Variants in PGM5 observed in about 807,000 individuals in gnomAD.
PGM5 encodes the protein phosphoglucomutase-like protein 5.
A neutral mutation model predicts 59.2 loss-of-function variants in PGM5; 23 were observed. The ratio of observed to expected loss-of-function variants is 0.39; its 90% CI spans 0.28 to 0.55. The LOEUF is 0.55. Among genes scored for constraint, PGM5 ranks in the 20% least tolerant of loss-of-function variants. PGM5 has a pLI of 0.66. For synonymous variants in PGM5, 214 were observed against 286.0 expected (o/e 0.75, Z 2.54); for missense variants, 574 against 748.3 (o/e 0.77, Z 2.72).
chr9:68,408,925 A>G (rs1822871423), intron 6 of PGM5, among the ~76,000 whole-genome samples: 1 of 151,862 alleles, frequency 6.6e-6, no homozygotes, highest in African/African-American at 2.4e-5. Context: ...GTTCTGTTCC[A>G]TTGATCTATA....
chr9:68,360,050 G>A (rs1381167472), intron 1 of PGM5, among the ~76,000 whole-genome samples: 2 of 151,920 alleles, frequency 1.3e-5, no homozygotes, highest in Non-Finnish European at 2.9e-5. Flanking sequence ...TCTCTGTGTT[G>A]CCCAGTCTAG....
chr9:68,453,091 G>A (rs1328834030), intron 6 of PGM5, among the ~76,000 whole-genome samples: 3 of 152,182 alleles, frequency 2.0e-5, no homozygotes, highest in Admixed American at 2.0e-4. Flanking sequence ...AAGGTGCTCT[G>A]TGTAAATGTG....
intron 2 of PGM5, among the ~76,000 whole-genome samples, chr9:68,382,343 T>A (rs1822099614): frequency 6.6e-6 from 1 of 151,678 alleles, no homozygotes; most frequent in African/African-American, 2.4e-5. Context: ...GACCCTTATC[T>A]TACACTATAC....
intron 10 of PGM5, among the ~76,000 whole-genome samples, chr9:68,512,210 G>A (rs186940133): frequency 6.6e-6 from 1 of 152,344 alleles, no homozygotes; most frequent in East Asian, 1.9e-4. Context: ...GTGATGAAAG[G>A]CAGGTTCATT....
intron 7 of PGM5, among the ~76,000 whole-genome samples, chr9:68,475,184 ATTTTTTT>A (rs782687667): frequency 3.4e-4 from 38 of 112,780 alleles, no homozygotes; most frequent in Admixed American, 1.4e-3. Context: ...TGCCTGGCTA[ATTTTTTT>A]TTTTTTTTTT....
At chr9:68,427,165 A>G (rs944959956) in intron 6 of PGM5, among the ~76,000 whole-genome samples, 2 of 152,186 alleles carry the variant, frequency 1.3e-5, no homozygotes, top group Admixed American at 1.3e-4. Flanking sequence ...GCAGTGGAAG[A>G]GCTTAGTCTT....
chr9:68,465,309 T>C (rs1823917110), intron 7 of PGM5, 101 bp downstream of exon 7: 1 of 785,252 alleles, frequency 1.3e-6, no homozygotes, highest in Admixed American at 2.2e-5. Flanking sequence ...AGAGGAACAG[T>C]TAAGTAGAGG....
chr9:68,399,096 A>G (rs1485698227), intron 6 of PGM5: 4 of 152,104 alleles, frequency 2.6e-5, no homozygotes, highest in Non-Finnish European at 5.9e-5. Context: ...TTTTTCCACT[A>G]AAGACCACAC....
At chr9:68,479,900 GCGA>G (rs1223220904) in intron 8 of PGM5, among the ~76,000 whole-genome samples, 1 of 150,080 alleles carries the variant, frequency 6.7e-6, no homozygotes, top group Non-Finnish European at 1.5e-5. Context: ...TCCAGCCTGG[GCGA>G]CAGAGCGAGA....
intron 9 of PGM5, among the ~76,000 whole-genome samples, chr9:68,484,412 C>G (rs977980854): frequency 6.7e-6 from 1 of 150,080 alleles, no homozygotes; most frequent in African/African-American, 2.5e-5. Flanking sequence ...TGGTGGCACA[C>G]AATTGTAGTC....
At chr9:68,385,528 T>A (rs1335126268) in intron 3 of PGM5, among the ~76,000 whole-genome samples, 1 of 152,066 alleles carries the variant, frequency 6.6e-6, no homozygotes, top group Admixed American at 6.6e-5. Context: ...TTTGCTTAGG[T>A]AATGAGCAGA....
At position 68,357,458 on chromosome 9, in the gene PGM5, G is replaced by A. The variant is rs1370585824; in HGVS notation, c.261+70G>A. The A allele has an allele frequency of 3.3e-6, 5 of 1,522,728 alleles. No homozygotes were observed. In the African/African-American group the frequency reaches 4.1e-5, roughly 13 times the overall value. The allele number at this position is 1,522,728 out of a possible 1,614,324, so 94.3% of individuals were successfully genotyped here. A position where few individuals can be genotyped will look rare whatever the true frequency, so the allele number is the denominator to read the frequency against. On this transcript the variant is annotated intron_variant, in intron 1 of 10. Coordinates refer to ENST00000396396, the MANE Select transcript of PGM5 (RefSeq NM_021965.4). ...GCCCTCTCCTAGCCCTTGTCCCCCT[G>A]CTGCCTCCGGGCCCAGTTGGGAGGC... is the stretch of plus-strand genomic sequence containing the variant.
chr9:68,394,466 ACT>A (rs1377557590), intron 6 of PGM5: 2 of 151,934 alleles, frequency 1.3e-5, no homozygotes, highest in South Asian at 4.1e-4. Flanking sequence ...CAAGAGTGAA[ACT>A]CTGTCTCAAC....
intron 9 of PGM5, among the ~76,000 whole-genome samples, chr9:68,485,391 G>T (rs1292780914): frequency 1.3e-5 from 2 of 152,118 alleles, no homozygotes; most frequent in Admixed American, 1.3e-4. Flanking sequence ...GTCATGGGAG[G>T]GACCAGGTGG....
intron 1 of PGM5, among the ~76,000 whole-genome samples, chr9:68,363,941 G>C (rs1834632000): frequency 6.6e-6 from 1 of 152,110 alleles, no homozygotes; most frequent in Admixed American, 6.5e-5. Context: ...GAAATATAAA[G>C]GTGTATGGTC....
Position 68,462,729 on chromosome 9 carries a change from G to T in PGM5, c.1044-2364G>T, listed in dbSNP as rs10114239. On this transcript the variant is annotated intron_variant, in intron 6 of 10. Coordinates refer to ENST00000396396, the MANE Select transcript of PGM5 (RefSeq NM_021965.4). ...CACCCTCACCTCTGCCCCATGTTGC[G>T]CATTTTATTTGTTATCCATATGCAT... 5.2e-3 allele frequency among the ~76,000 whole-genome samples: 797 copies of T among 151,944 alleles called. 1 individual carries two copies. Among genetic ancestry groups the T allele is most frequent in the African/African-American group, 0.019 (779 of 41,438 alleles).
At chr9:68,476,407 T>C (rs1824105631) in intron 7 of PGM5, among the ~76,000 whole-genome samples, 1 of 152,220 alleles carries the variant, frequency 6.6e-6, no homozygotes, top group South Asian at 2.1e-4. Context: ...GTCATATATA[T>C]AGTGTGAACA....
chr9:68,359,548 A>G (rs1554676087), intron 1 of PGM5, among the ~76,000 whole-genome samples: 1 of 152,212 alleles, frequency 6.6e-6, no homozygotes, highest in African/African-American at 2.4e-5. Context: ...GTGGTCTAAA[A>G]GAACTGGATA....
chr9:68,502,307 C>T (rs1384442967), intron 10 of PGM5, among the ~76,000 whole-genome samples: 1 of 152,126 alleles, frequency 6.6e-6, no homozygotes, highest in African/African-American at 2.4e-5. Context: ...AGCTGGTAAT[C>T]ATTTGGAAAA....
Sources: gnomAD v4.1 joint callset for allele counts (sites outside exome capture counted in the v4.1 genomes callset) on GRCh38, gnomAD v4.1.1 for gene constraint, MANE v1.5 for transcripts, NCBI Gene and HGNC (gene_info 2026-07-23, HGNC 2026-07-21) for gene names.